Variants in STX8 observed in about 807,000 individuals in gnomAD.
STX8 encodes the protein syntaxin 8, also known as syntaxin-8.
Under a neutral mutation model 37.5 loss-of-function variants are expected in STX8, and 23 were observed. That is an observed-to-expected ratio of 0.61 (90% CI 0.44 to 0.87). The LOEUF (loss-of-function observed/expected upper bound fraction) is 0.87. Among genes scored for constraint, STX8 ranks in the 40% least tolerant of loss-of-function variants. The pLI, the probability that STX8 is intolerant of heterozygous loss-of-function variation, is 0.00. For synonymous variants in STX8, 115 were observed against 99.1 expected (o/e 1.16, Z -0.95); for missense variants, 313 against 284.7 (o/e 1.10, Z -0.71).
intron 7 of STX8, among the ~76,000 whole-genome samples, chr17:9,284,328 A>G (rs1043194719): frequency 6.6e-6 from 1 of 152,238 alleles, no homozygotes; most frequent in Non-Finnish European, 1.5e-5. Flanking sequence ...TAATAAACCA[A>G]TGATCAACTA....
intron 1 of STX8, among the ~76,000 whole-genome samples, chr17:9,571,686 C>T (rs890969538): frequency 2.0e-5 from 3 of 150,268 alleles, no homozygotes; most frequent in Non-Finnish European, 4.4e-5. Flanking sequence ...GAGGCCAAGA[C>T]GGGTGATCAC....
intron 6 of STX8, among the ~76,000 whole-genome samples, chr17:9,403,556 T>C (rs1912699075): frequency 6.6e-6 from 1 of 152,168 alleles, no homozygotes; most frequent in Non-Finnish European, 1.5e-5. Flanking sequence ...AGCAGCATAT[T>C]ATTTAGAAAT....
At chr17:9,513,506 C>A (rs111947067) in intron 4 of STX8, among the ~76,000 whole-genome samples, 5,067 of 152,152 alleles carry the variant, frequency 0.033, 324 homozygotes, top group African/African-American at 0.11. Flanking sequence ...GAATGGCTAT[C>A]ATCAAAAACA....
At chr17:9,281,458 C>T (rs2142152424) in intron 7 of STX8, among the ~76,000 whole-genome samples, 1 of 152,030 alleles carries the variant, frequency 6.6e-6, no homozygotes, top group Admixed American at 6.6e-5. Context: ...CTTGGAATTG[C>T]TGCGAGCAAG....
chr17:9,436,850 T>C (rs1403112905), intron 6 of STX8, among the ~76,000 whole-genome samples: 2 of 152,242 alleles, frequency 1.3e-5, no homozygotes, highest in Non-Finnish European at 2.9e-5. Context: ...GGGCAAGATA[T>C]TGACTCACAT....
At chr17:9,566,740 T>C (rs1464695250) in intron 2 of STX8, among the ~76,000 whole-genome samples, 3 of 151,468 alleles carry the variant, frequency 2.0e-5, no homozygotes, top group African/African-American at 7.3e-5. Flanking sequence ...TGAGCCGAGA[T>C]TGCACCACTG....
At chr17:9,389,760 C>T (rs1019103702) in intron 6 of STX8, among the ~76,000 whole-genome samples, 5 of 141,146 alleles carry the variant, frequency 3.5e-5, no homozygotes, top group African/African-American at 1.4e-4. Context: ...TATTTGAAGA[C>T]AAATGTTAAA....
chr17:9,426,854 A>C (rs1019119341), intron 6 of STX8, among the ~76,000 whole-genome samples: 1 of 152,200 alleles, frequency 6.6e-6, no homozygotes, highest in Non-Finnish European at 1.5e-5. Flanking sequence ...AATTCAATAT[A>C]AGTTATATCT....
intron 7 of STX8, among the ~76,000 whole-genome samples, chr17:9,311,781 C>T (rs568389997): frequency 1.3e-5 from 2 of 152,200 alleles, no homozygotes; most frequent in Admixed American, 6.5e-5. Flanking sequence ...AATAATACAT[C>T]GAAGTACTTG....
At chr17:9,300,062 T>C (rs572780604) in intron 7 of STX8, among the ~76,000 whole-genome samples, 35 of 152,216 alleles carry the variant, frequency 2.3e-4, no homozygotes, top group African/African-American at 7.9e-4. Flanking sequence ...CAGGGTGCGG[T>C]GGCTCATGCC....
chr17:9,399,672 C>A (rs942797097), intron 6 of STX8, among the ~76,000 whole-genome samples: 2 of 151,970 alleles, frequency 1.3e-5, no homozygotes, highest in Non-Finnish European at 2.9e-5. Flanking sequence ...TCGAGACCAG[C>A]CTGACTAACA....
intron 7 of STX8, among the ~76,000 whole-genome samples, chr17:9,306,595 C>CAAAAAAAAA (rs71135963): frequency 6.8e-3 from 458 of 67,560 alleles, no homozygotes; most frequent in Middle Eastern, 0.014. Context: ...ACTAAAAATA[C>CAAAAAAAAA]AAAAAAAAAA....
intron 6 of STX8, among the ~76,000 whole-genome samples, chr17:9,487,661 A>G (rs1906658039): frequency 6.6e-6 from 1 of 152,002 alleles, no homozygotes; most frequent in Non-Finnish European, 1.5e-5. Flanking sequence ...GAATGGAAAA[A>G]TACCTCCTAT....
intron 6 of STX8, among the ~76,000 whole-genome samples, chr17:9,479,819 C>G (rs533025558): frequency 9.7e-5 from 14 of 144,206 alleles, no homozygotes; most frequent in Non-Finnish European, 1.9e-4. Flanking sequence ...CCTGCCAGCT[C>G]TCCTGGCCCC....
intron 7 of STX8, among the ~76,000 whole-genome samples, chr17:9,371,810 C>T (rs889237149): frequency 2.6e-5 from 4 of 151,998 alleles, no homozygotes; most frequent in Non-Finnish European, 4.4e-5. Flanking sequence ...TCTTAAGATG[C>T]TTTCAAGCTT....
intron 7 of STX8, among the ~76,000 whole-genome samples, chr17:9,263,388 G>A (rs866601598): frequency 1.3e-5 from 2 of 151,386 alleles, no homozygotes; most frequent in Admixed American, 6.6e-5. Context: ...GCTGAGGCAG[G>A]AGATCGCTTG....
intron 7 of STX8, among the ~76,000 whole-genome samples, chr17:9,344,546 C>T (rs1910472569): frequency 6.6e-6 from 1 of 152,162 alleles, no homozygotes; most frequent in Non-Finnish European, 1.5e-5. Context: ...CAGGCATGAG[C>T]CACCAAACCT....
At chr17:9,441,056 G>C (rs1904630984) in intron 6 of STX8, among the ~76,000 whole-genome samples, 1 of 152,016 alleles carries the variant, frequency 6.6e-6, no homozygotes, top group Non-Finnish European at 1.5e-5. Context: ...CTCCAAACTG[G>C]AGTTAACATT....
chr17:9,459,893 T>A (rs952674639), intron 6 of STX8, among the ~76,000 whole-genome samples: 4 of 152,216 alleles, frequency 2.6e-5, no homozygotes, highest in Non-Finnish European at 5.9e-5. Context: ...ACACATCAAA[T>A]AAGTTTTTTT....
Sources: allele counts gnomAD v4.1 joint callset (sites outside exome capture counted in the v4.1 genomes callset), GRCh38; gene constraint gnomAD v4.1.1; transcripts MANE v1.5; gene names NCBI Gene and HGNC (gene_info 2026-07-23, HGNC 2026-07-21).